Variants in GPX5 observed in about 807,000 individuals in gnomAD.
GPX5 encodes epididymal secretory glutathione peroxidase.
Under a neutral mutation model 23.8 loss-of-function variants are expected in GPX5, and 20 were observed. The ratio of observed to expected loss-of-function variants is 0.84; its 90% CI spans 0.59 to 1.22. The LOEUF (loss-of-function observed/expected upper bound fraction) is 1.22, where lower values mean the gene tolerates loss of function less well. GPX5 is among the 50% of genes most tolerant of loss of function. The pLI, the probability that GPX5 is intolerant of heterozygous loss-of-function variation, is 0.00. For synonymous variants in GPX5, 92 were observed against 99.5 expected (o/e 0.92, Z 0.45); for missense variants, 230 against 266.6 (o/e 0.86, Z 0.96).
intron 1 of GPX5, chr6:28,528,709 T>A (rs1763251293): frequency 6.6e-6 from 1 of 151,440 alleles, no homozygotes; most frequent in South Asian, 2.1e-4. Context: ...TCCTGGTATC[T>A]CACAGCTTTC....
chr6:28,530,481 G>T (rs898545048), intron 2 of GPX5, among the ~76,000 whole-genome samples: 1 of 152,012 alleles, frequency 6.6e-6, no homozygotes, highest in African/African-American at 2.4e-5. Context: ...AGAACCAAAG[G>T]TTTCCACCTT....
intron 1 of GPX5, chr6:28,527,861 G>A (rs2113628334): frequency 6.6e-6 from 1 of 152,292 alleles, no homozygotes; most frequent in African/African-American, 2.4e-5. Flanking sequence ...ACACTGTAAG[G>A]GTAGAGACAG....
In GPX5 at chr6:28,526,075, C is replaced by G; in HGVS notation, c.62C>G (p.Thr21Arg). The G allele has an allele frequency of 6.2e-7, 1 of 1,612,914 alleles. No homozygotes were observed. Among genetic ancestry groups the G allele is most frequent in the Non-Finnish European group, 8.5e-7 (1 of 1,179,864 alleles). Residue 21 changes from threonine to arginine, a missense_variant, in exon 1 of 5, where the codon ACA (threonine) becomes AGA (arginine). Physicochemically the swap from Thr to Arg is moderately conservative, Grantham distance 71. Coordinates refer to ENST00000412168, the MANE Select transcript of GPX5 (RefSeq NM_001509.3). ...CTTCTCCTAGCCTGCTTTGTGCAAA[C>G]AAGTCCCAAGCAGGAGAAGATGAAG... The part of the protein sequence containing the change: ...LPLLLACFVQ[T>R]SPKQEKMKMD...
chr6:28,529,213 T>A (rs113787419), intron 1 of GPX5, among the ~76,000 whole-genome samples: 6,688 of 152,094 alleles, frequency 0.044, 161 homozygotes, highest in African/African-American at 0.052. Context: ...GATTTTTAGA[T>A]CCCACAAATA....
intron 1 of GPX5, among the ~76,000 whole-genome samples, chr6:28,528,885 C>T (rs1763260737): frequency 4.4e-5 from 5 of 114,652 alleles, no homozygotes; most frequent in Admixed American, 1.0e-4. Context: ...ATATATGGTA[C>T]AAGAGATGTT....
At chr6:28,533,453 G>A (rs58078500) in intron 4 of GPX5, among the ~76,000 whole-genome samples, 10,035 of 152,196 alleles carry the variant, frequency 0.066, 382 homozygotes, top group African/African-American at 0.09. Flanking sequence ...CTAACTTATA[G>A]GACTTCCCTT....
intron 1 of GPX5, 155 bp from the exon 2 acceptor site, chr6:28,529,296 A>G: frequency 2.0e-6 from 1 of 493,328 alleles, no homozygotes; most frequent in African/African-American, 2.0e-5. Context: ...AAGTTACAAG[A>G]ACCAAGTTTC....
rs115051243 is a variant in GPX5, at chr6:28,529,562, G to T, written c.199G>T (p.Val67Phe). Residue 67 changes from valine (V) to phenylalanine (F), a missense_variant, in exon 2 of 5, where the codon GTC becomes TTC. Val to Phe is a conservative substitution (Grantham distance 50). Coordinates refer to ENST00000412168, the MANE Select transcript of GPX5 (RefSeq NM_001509.3). ...GTATGTGGGCAAGCACATCCTCTTC[G>T]TCAACGTGGCCACCTACTGTGGTCT... ...KQYVGKHILF[V>F]NVATYCGLTA... The T allele has an allele frequency of 1.2e-6, 2 of 1,612,314 alleles. No individual in the cohort carries two copies. Among genetic ancestry groups the T allele is most frequent in the Non-Finnish European group, 1.7e-6 (2 of 1,178,802 alleles).
intron 4 of GPX5, 78 bp downstream of exon 4, chr6:28,532,498 CAA>C (rs2113636328): frequency 1.1e-6 from 1 of 947,644 alleles, no homozygotes; most frequent in East Asian, 2.7e-5. Flanking sequence ...GAAATGGATC[CAA>C]GGGCTCATGC....
In GPX5 at chr6:28,529,617, A is replaced by T. The variant is rs1201848316; in HGVS notation, c.241+13A>T. On this transcript the variant is annotated intron_variant, in intron 2 of 4. Transcript: ENST00000412168. Reference sequence around the variant, plus strand: ...GCGCAATATCCTGGTAAGAGAATTCATAGTTACTTCTCTTTGGGACTAAAT... The same window carrying T: ...GCGCAATATCCTGGTAAGAGAATTCTTAGTTACTTCTCTTTGGGACTAAAT... 1.9e-6 allele frequency: 3 copies of T among 1,584,984 alleles called. No individual in the cohort carries two copies. The African/African-American group carries it at 4.0e-5, about 21-fold the overall frequency.
chr6:28,527,236 G>T (rs1447262838), intron 1 of GPX5: 4 of 151,858 alleles, frequency 2.6e-5, no homozygotes, highest in Non-Finnish European at 4.4e-5. Context: ...GTGAGTGATT[G>T]TCATTGCAGT....
Position 28,529,593 on chromosome 6 carries a change from C to T in GPX5, c.230C>T (p.Ala77Val), listed in dbSNP as rs145161873. 2,756 of 1,607,240 alleles carry T rather than the reference C, an allele frequency of 1.7e-3. 27 individuals are homozygous for T. Among genetic ancestry groups the T allele is most frequent in the Middle Eastern group, 0.011 (69 of 6,030 alleles). Residue 77 changes from alanine (A) to valine (V), a missense_variant, in exon 2 of 5, where the codon GCG becomes GTG. By Grantham distance (64) the Ala-to-Val change is moderately conservative. Coordinates refer to ENST00000412168, the MANE Select transcript of GPX5 (RefSeq NM_001509.3). Reference sequence around the variant, plus strand: ...GTGGCCACCTACTGTGGTCTGACAGCGCAATATCCTGGTAAGAGAATTCAT... The same window carrying T: ...GTGGCCACCTACTGTGGTCTGACAGTGCAATATCCTGGTAAGAGAATTCAT... ...VNVATYCGLT[A>V]QYPELNALQE...
chr6:28,531,931 G>C (rs748260063), intron 3 of GPX5, 36 bp downstream of exon 3: 1 of 1,436,720 alleles, frequency 7.0e-7, no homozygotes, highest in Non-Finnish European at 9.8e-7. Flanking sequence ...GGAGGCGCCT[G>C]TGTACCTTTC....
At position 28,529,571 on chromosome 6, in the gene GPX5, G is replaced by A. The variant is rs543973750; in HGVS notation, c.208G>A (p.Ala70Thr). The A allele has an allele frequency of 6.4e-5, 103 of 1,611,630 alleles. 2 individuals carry two copies. In the South Asian group the frequency reaches 1.1e-3, roughly 17 times the overall value. ...CAAGCACATCCTCTTCGTCAACGTG[G>A]CCACCTACTGTGGTCTGACAGCGCA... ...VGKHILFVNV[A>T]TYCGLTAQYP... Residue 70 changes from alanine (A) to threonine (T), a missense_variant, in exon 2 of 5, where the codon GCC becomes ACC. Ala to Thr is a moderately conservative substitution (Grantham distance 58). Transcript: ENST00000412168.
At chr6:28,532,863 C>T (rs1269925318) in intron 4 of GPX5, among the ~76,000 whole-genome samples, 2 of 152,146 alleles carry the variant, frequency 1.3e-5, no homozygotes, top group South Asian at 2.1e-4. Flanking sequence ...CCTATAATCC[C>T]AGCACTTTGG....
chr6:28,534,335 A>G lies in GPX5; in HGVS notation c.*168A>G. 2.1e-6 allele frequency: 1 copy of G among 479,976 alleles called. No homozygotes were observed. Among genetic ancestry groups the G allele is most frequent in the Non-Finnish European group, 3.6e-6 (1 of 274,418 alleles). The allele number at this position is 479,976 out of a possible 1,614,324, so 29.7% of individuals were successfully genotyped here. Reference sequence around the variant, plus strand: ...CTGCCAGAATTCCCACTCTCCACAAACTAGATTTATATTTGGAAGGCTACT... The same window carrying G: ...CTGCCAGAATTCCCACTCTCCACAAGCTAGATTTATATTTGGAAGGCTACT... On this transcript the variant is annotated 3_prime_UTR_variant, in exon 5 of 5. Coordinates refer to ENST00000412168, the MANE Select transcript of GPX5 (RefSeq NM_001509.3).
intron 1 of GPX5, among the ~76,000 whole-genome samples, chr6:28,529,088 A>G (rs1248778544): frequency 6.8e-6 from 1 of 147,950 alleles, no homozygotes; most frequent in Non-Finnish European, 1.5e-5. Context: ...ATTCTTTCTA[A>G]CTATCTTTTT....
Position 28,534,548 on chromosome 6 carries a change from C to T in GPX5, c.*381C>T, listed in dbSNP as rs1381421525. 5.5e-6 allele frequency: 1 copy of T among 180,884 alleles called. No individual in the cohort carries two copies. The highest frequency in any genetic ancestry group is 1.1e-5 in the Non-Finnish European group (1 of 87,616). 11.2% of individuals were successfully genotyped at this position (180,884 alleles called of 1,614,324 possible). On this transcript the variant is annotated 3_prime_UTR_variant, in exon 5 of 5. Coordinates refer to ENST00000412168, the MANE Select transcript of GPX5 (RefSeq NM_001509.3). ...GACATTCTGACTCTTCCATCTCTCT[C>T]TACCCTGGAGGTGTAGAAATAGCAA...
rs1763198817 is a variant in GPX5, at chr6:28,525,917, G to T, written c.-97G>T. The T allele has an allele frequency of 2.3e-6, 2 of 876,786 alleles. No individual in the cohort carries two copies. The highest frequency in any genetic ancestry group is 1.6e-5 in the African/African-American group (1 of 60,684). 54.3% of individuals were successfully genotyped at this position (876,786 alleles called of 1,614,324 possible). On this transcript the variant is annotated 5_prime_UTR_variant, in exon 1 of 5. Coordinates refer to ENST00000412168, the MANE Select transcript of GPX5 (RefSeq NM_001509.3). The stretch of plus-strand genomic sequence containing the variant: ...ATCCTTGCAGCCCTGTGACTGGCCT[G>T]TGGGGGCTTGGGCTAAGTCCCTGCC...
Sources: allele counts gnomAD v4.1 joint callset (sites outside exome capture counted in the v4.1 genomes callset), GRCh38; gene constraint gnomAD v4.1.1; transcripts MANE v1.5; gene names NCBI Gene and HGNC (gene_info 2026-07-23, HGNC 2026-07-21).